Variants in STAT4 observed in about 807,000 individuals in gnomAD.
STAT4 encodes the protein signal transducer and activator of transcription 4.
STAT4 carries 42 observed loss-of-function variants against 110.5 expected under a neutral mutation model. The observed-to-expected ratio is 0.38, with a 90% confidence interval of 0.30 to 0.49. The LOEUF is 0.49. Ranked by LOEUF, STAT4 falls within the 20% of genes least tolerant of loss-of-function variation. STAT4 has a pLI of 0.95. For synonymous variants in STAT4, 284 were observed against 302.2 expected (o/e 0.94, Z 0.63); for missense variants, 632 against 887.9 (o/e 0.71, Z 3.66).
Position 191,110,360 on chromosome 2 carries a change from G to T in STAT4, c.274-34035C>A, listed in dbSNP as rs888034441. ...AAAATAAGGGACATGGGAGGAGCTA[G>T]CACTGGGGAATAACATTTGTAAATG... On this transcript the variant is annotated intron_variant, in intron 3 of 23. Transcript: ENST00000392320. This position sits in a 1 kb window ranked among gnomAD's most constrained non-coding sequence, Gnocchi z 4.5. Among the ~76,000 whole-genome samples the T allele has an allele frequency of 2.6e-5, 4 of 152,198 alleles. No homozygotes were observed. Among genetic ancestry groups the T allele is most frequent in the African/African-American group, 4.8e-5 (2 of 41,452 alleles).
At chr2:191,092,271 G>T (rs976216804) in intron 3 of STAT4, among the ~76,000 whole-genome samples, 2 of 152,098 alleles carry the variant, frequency 1.3e-5, no homozygotes, top group African/African-American at 4.8e-5. Flanking sequence ...AGGCATGGTG[G>T]CATGCGCCTG....
At chr2:191,095,831 C>G (rs1187819384) in intron 3 of STAT4, among the ~76,000 whole-genome samples, 1 of 152,048 alleles carries the variant, frequency 6.6e-6, no homozygotes, top group Non-Finnish European at 1.5e-5. Flanking sequence ...AATCCAGGAG[C>G]TGGTTTTTTG....
chr2:191,142,283 A>C lies in STAT4; in HGVS notation c.273+4330T>G, dbSNP rs1263711976. Among the ~76,000 whole-genome samples, 1 of 152,140 alleles carries C rather than the reference A, an allele frequency of 6.6e-6. No individual in the cohort carries two copies. The highest frequency in any genetic ancestry group is 1.5e-5 in the Non-Finnish European group (1 of 68,030). ...TAATAGAATACTATTTGGCCATAAA[A>C]AGAATAAAATCATGTCATTTGCAGC... On this transcript the variant is annotated intron_variant, in intron 3 of 23. Transcript: ENST00000392320. This position sits in a 1 kb window ranked among gnomAD's most constrained non-coding sequence, Gnocchi z 4.1.
At position 191,031,503 on chromosome 2, in the gene STAT4, T is replaced by G. The variant is rs764742090; in HGVS notation, c.2058A>C (p.Thr686=). Residue 686 remains threonine (T), a synonymous_variant, in exon 22 of 24, where the codon ACA becomes ACC. Coordinates refer to ENST00000392320, the MANE Select transcript of STAT4 (RefSeq NM_003151.4). The surrounding 1 kb of genome is among the most constrained non-coding windows in gnomAD (Gnocchi z 4.8). ...SSQPCEVSRP[T]ERGDKGYVPS... ...GAACATAACCTTTGTCACCCCTTTC[T>G]GTTGGTCTTGAAACTGGAAAACAAA... 6.2e-7 allele frequency: 1 copy of G among 1,613,384 alleles called. No individual in the cohort carries two copies. Among genetic ancestry groups the G allele is most frequent in the East Asian group, 2.2e-5 (1 of 44,812 alleles).
Position 191,060,708 on chromosome 2 carries a change from C to T in STAT4, c.1034+1021G>A, listed in dbSNP as rs1696825150. On this transcript the variant is annotated intron_variant, in intron 10 of 23. Coordinates refer to ENST00000392320, the MANE Select transcript of STAT4 (RefSeq NM_003151.4). This position sits in a 1 kb window ranked among gnomAD's most constrained non-coding sequence, Gnocchi z 4.5. ...TGCTGGGATTATAGGCGTGAGCCAC[C>T]ATGCCTGGCCAACAGTGCAATTTAA... is the stretch of plus-strand genomic sequence containing the variant. Among the ~76,000 whole-genome samples the T allele has an allele frequency of 6.6e-6, 1 of 152,216 alleles. No homozygotes were observed. Among genetic ancestry groups the T allele is most frequent in the African/African-American group, 2.4e-5 (1 of 41,444 alleles).
chr2:191,108,490 T>G (rs1698341577), intron 3 of STAT4, among the ~76,000 whole-genome samples: 1 of 152,184 alleles, frequency 6.6e-6, no homozygotes, highest in Non-Finnish European at 1.5e-5. Flanking sequence ...AGAAACTGAC[T>G]GTGAAGTGTT....
intron 13 of STAT4, among the ~76,000 whole-genome samples, chr2:191,057,361 T>A (rs1006938230): frequency 2.0e-5 from 3 of 152,234 alleles, no homozygotes; most frequent in Admixed American, 2.0e-4. Context: ...TTTCAATGGC[T>A]GAATAATATA....
intron 3 of STAT4, among the ~76,000 whole-genome samples, chr2:191,087,282 C>A (rs1697658912): frequency 6.6e-6 from 1 of 152,152 alleles, no homozygotes; most frequent in Admixed American, 6.6e-5. Flanking sequence ...AAACCTAAAT[C>A]TCTCCAAAGC....
chr2:191,030,674 C>T lies in STAT4; in HGVS notation c.2220+298G>A. Reference sequence around the variant, plus strand: ...AGAGAGTGGTGGGGAGTGAGGGGGCCCATGGTGCAAGCAGCGATAGTGTGC... The same window carrying T: ...AGAGAGTGGTGGGGAGTGAGGGGGCTCATGGTGCAAGCAGCGATAGTGTGC... On this transcript the variant is annotated intron_variant, in intron 23 of 23. Transcript: ENST00000392320. The surrounding 1 kb of genome is among the most constrained non-coding windows in gnomAD (Gnocchi z 4.4). The T allele has an allele frequency of 3.9e-6, 1 of 257,382 alleles. No homozygotes were observed. The highest frequency in any genetic ancestry group is 9.4e-5 in the East Asian group (1 of 10,662). 15.9% of individuals were successfully genotyped at this position (257,382 alleles called of 1,614,324 possible).
rs1427416753 is a variant in STAT4 at position 191,077,909 on chromosome 2, T to A, written c.274-1584A>T. The stretch of plus-strand genomic sequence containing the variant: ...TCAAAAGGTAAAGAAATAAAAATGA[T>A]CCTATTTATGAAGCGGGGATACCAT... On this transcript the variant is annotated intron_variant, in intron 3 of 23. Coordinates refer to ENST00000392320, the MANE Select transcript of STAT4 (RefSeq NM_003151.4). The surrounding 1 kb of genome is among the most constrained non-coding windows in gnomAD (Gnocchi z 4.1). Among the ~76,000 whole-genome samples the A allele has an allele frequency of 3.3e-5, 5 of 152,076 alleles. No homozygotes were observed.
chr2:191,061,693 C>T lies in STAT4; in HGVS notation c.1034+36G>A, dbSNP rs751803639. The T allele has an allele frequency of 6.3e-7, 1 of 1,590,954 alleles. No individual in the cohort carries two copies. The highest frequency in any genetic ancestry group is 1.1e-5 in the South Asian group (1 of 90,546). On this transcript the variant is annotated intron_variant, in intron 10 of 23. Coordinates refer to ENST00000392320, the MANE Select transcript of STAT4 (RefSeq NM_003151.4). This position sits in a 1 kb window ranked among gnomAD's most constrained non-coding sequence, Gnocchi z 6.2. ...TGATCATCCAGAGACTATAGCTCCA[C>T]AAACACACGAAATAGTAGAAAATGT... is the stretch of plus-strand genomic sequence containing the variant.
intron 16 of STAT4, among the ~76,000 whole-genome samples, chr2:191,038,689 C>T (rs1364646723): frequency 6.6e-6 from 1 of 152,168 alleles, no homozygotes; most frequent in Admixed American, 6.5e-5. Flanking sequence ...GTCACAACGA[C>T]CAGATAGCAT....
chr2:191,141,597 G>GTA (rs150128804), intron 3 of STAT4, among the ~76,000 whole-genome samples: 25 of 141,818 alleles, frequency 1.8e-4, no homozygotes, highest in African/African-American at 4.3e-4. Context: ...ATATATATGT[G>GTA]TATATATACA....
At chr2:191,109,308 G>GTT (rs138988001) in intron 3 of STAT4, among the ~76,000 whole-genome samples, 6 of 147,164 alleles carry the variant, frequency 4.1e-5, no homozygotes, top group African/African-American at 1.5e-4. Context: ...TTTGTTTTTT[G>GTT]TTTTTTTTTT....
chr2:191,071,140 A>T (rs1461982392), intron 5 of STAT4, among the ~76,000 whole-genome samples: 2 of 152,170 alleles, frequency 1.3e-5, no homozygotes, highest in Non-Finnish European at 2.9e-5. Context: ...CTGTGCCTAT[A>T]CCTTACATAG....
rs1696527964 is a variant in STAT4 at position 191,051,697 on chromosome 2, G to A, written c.1251+2793C>T. ...TGAGATAGATGGGGTGAGGTGACGG[G>A]GCAGTAGGAGTGCCAACCAGCTCGC... On this transcript the variant is annotated intron_variant, in intron 14 of 23. Coordinates refer to ENST00000392320, the MANE Select transcript of STAT4 (RefSeq NM_003151.4). This position sits in a 1 kb window ranked among gnomAD's most constrained non-coding sequence, Gnocchi z 5.6. Among the ~76,000 whole-genome samples the A allele has an allele frequency of 6.6e-6, 1 of 152,182 alleles. No individual in the cohort carries two copies. The highest frequency in any genetic ancestry group is 2.1e-4 in the South Asian group (1 of 4,834).
At position 191,041,374 on chromosome 2, in the gene STAT4, A is replaced by C. The variant is rs1696193897; in HGVS notation, c.1252-226T>G. The C allele has an allele frequency of 9.7e-6, 2 of 206,600 alleles. 1 individual carries two copies. Among genetic ancestry groups the C allele is most frequent in the South Asian group, 3.7e-4 (2 of 5,372 alleles). The allele number at this position is 206,600 out of a possible 1,614,324, so 12.8% of individuals were successfully genotyped here. On this transcript the variant is annotated intron_variant, in intron 14 of 23. Transcript: ENST00000392320. Reference sequence around the variant, plus strand: ...TGATTTTAAGTCTTCAAAACAAGATAATTTCTGGCTTTAAAAATTCTGGCA... The same window carrying C: ...TGATTTTAAGTCTTCAAAACAAGATCATTTCTGGCTTTAAAAATTCTGGCA...
chr2:191,053,959 C>T lies in STAT4; in HGVS notation c.1251+531G>A, dbSNP rs2125204878. Among the ~76,000 whole-genome samples the T allele has an allele frequency of 6.6e-6, 1 of 152,014 alleles. No individual in the cohort carries two copies. The highest frequency in any genetic ancestry group is 2.1e-4 in the South Asian group (1 of 4,824). On this transcript the variant is annotated intron_variant, in intron 14 of 23. Transcript: ENST00000392320. The surrounding 1 kb of genome is among the most constrained non-coding windows in gnomAD (Gnocchi z 4.5). The stretch of plus-strand genomic sequence containing the variant: ...CCTGGGAAACATGGTGGGACTCTGT[C>T]TCTACGAAAAATACAAAAACTAGCC...
Position 191,061,604 on chromosome 2 carries a change from G to C in STAT4, c.1034+125C>G. 1.1e-6 allele frequency: 1 copy of C among 889,050 alleles called. No homozygotes were observed. Among genetic ancestry groups the C allele is most frequent in the South Asian group, 1.4e-5 (1 of 70,558 alleles). The allele number at this position is 889,050 out of a possible 1,614,324, so 55.1% of individuals were successfully genotyped here. ...GGGTATTTCCCCAAGCTCAGAGCTG[G>C]GCACACAGCAGATGGTTCAATAAAG... On this transcript the variant is annotated intron_variant, in intron 10 of 23. Coordinates refer to ENST00000392320, the MANE Select transcript of STAT4 (RefSeq NM_003151.4). This position sits in a 1 kb window ranked among gnomAD's most constrained non-coding sequence, Gnocchi z 6.2.
Sources: gnomAD v4.1 joint callset for allele counts (sites outside exome capture counted in the v4.1 genomes callset) on GRCh38, gnomAD v4.1.1 for gene constraint, Gnocchi (gnomAD v3.1) non-coding constraint, MANE v1.5 for transcripts, NCBI Gene and HGNC (gene_info 2026-07-23, HGNC 2026-07-21) for gene names.